The following SYCE3 variants were observed in gnomAD, a reference collection of about 807,000 sequenced individuals.
SYCE3 encodes testis highly expressed gene 2 protein.
A neutral mutation model predicts 8.1 loss-of-function variants in SYCE3; 3 were observed. That is an observed-to-expected ratio of 0.37 (90% confidence interval 0.17 to 0.96). The LOEUF is 0.96. SYCE3 is among the 40% of genes least tolerant of loss of function. The probability of loss-of-function intolerance (pLI) is 0.41; values close to 1 mark genes in which losing one functional copy is unlikely to be tolerated. For synonymous variants in SYCE3, 36 were observed against 38.7 expected, an observed-to-expected ratio of 0.93 and a Z score of 0.26; for missense variants, 83 against 110.0, an observed-to-expected ratio of 0.75 and a Z score of 1.10.
intron 1 of SYCE3, among the ~76,000 whole-genome samples, chr22:50,559,912 A>G (rs907099353): frequency 6.6e-6 from 1 of 152,190 alleles, no homozygotes; most frequent in Non-Finnish European, 1.5e-5. Flanking sequence ...TGGGTGACAG[A>G]GCAACACTCT....
At chr22:50,555,177 T>C (rs948730224) in intron 2 of SYCE3, among the ~76,000 whole-genome samples, 5 of 150,990 alleles carry the variant, frequency 3.3e-5, no homozygotes, top group African/African-American at 1.2e-4. Context: ...CTTGGGCACA[T>C]GTCATTAGGA....
At chr22:50,551,539 G>A (rs2148697141) in intron 2 of SYCE3, 137 bp from the exon 3 acceptor site, 1 of 879,792 alleles carries the variant, frequency 1.1e-6, no homozygotes, top group Non-Finnish European at 1.7e-6. Context: ...TTACTCTAGG[G>A]AGAGACAGCT....
intron 1 of SYCE3, among the ~76,000 whole-genome samples, chr22:50,556,889 T>G (rs1266055280): frequency 1.3e-5 from 2 of 152,226 alleles, no homozygotes; most frequent in African/African-American, 4.8e-5. Context: ...AAGCAGTTAA[T>G]GTAATAATTA....
intron 2 of SYCE3, among the ~76,000 whole-genome samples, chr22:50,555,395 C>T (rs1377241250): frequency 6.6e-6 from 1 of 152,182 alleles, no homozygotes; most frequent in Non-Finnish European, 1.5e-5. Context: ...AATCCCAACA[C>T]TTTGGGAGGC....
At position 50,561,107 on chromosome 22, in the gene SYCE3, A is replaced by G. The variant is rs187302552; in HGVS notation, c.-1+1751T>C. On this transcript the variant is annotated intron_variant, in intron 1 of 2. Coordinates refer to ENST00000406915, the MANE Select transcript of SYCE3 (RefSeq NM_001123225.3). ...GTGTAGAAGGCCTGGGAACGTAAAC[A>G]TACATGCAGTGGATGGACAAGGTAA... Among the ~76,000 whole-genome samples the G allele has an allele frequency of 6.6e-5, 10 of 152,276 alleles. No homozygotes were observed. In the East Asian group the frequency reaches 1.9e-3, roughly 29 times the overall value.
intron 2 of SYCE3, among the ~76,000 whole-genome samples, chr22:50,551,696 T>C (rs186249806): frequency 6.6e-6 from 1 of 152,330 alleles, no homozygotes; most frequent in Admixed American, 6.5e-5. Flanking sequence ...TGAGGAGAAT[T>C]AGAGCAAACC....
intron 2 of SYCE3, among the ~76,000 whole-genome samples, chr22:50,553,139 T>C (rs535147551): frequency 6.6e-6 from 1 of 151,910 alleles, no homozygotes; most frequent in East Asian, 1.9e-4. Flanking sequence ...GAGGTGGAGG[T>C]TGCAGTGAGC....
chr22:50,559,682 G>A lies in SYCE3; in HGVS notation c.-1+3176C>T, dbSNP rs138260882. On this transcript the variant is annotated intron_variant, in intron 1 of 2. Coordinates refer to ENST00000406915, the MANE Select transcript of SYCE3 (RefSeq NM_001123225.3). ...TTAGTCGGTCATGCCTGTAATCCCA[G>A]CACTTTGGAAGGCAGAGGCGGGGGA... is the stretch of plus-strand genomic sequence containing the variant. Among the ~76,000 whole-genome samples, 234 of 152,284 alleles carry A rather than the reference G, an allele frequency of 1.5e-3. 4 individuals are homozygous for A. Among genetic ancestry groups the A allele is most frequent in the East Asian group, 5.4e-3 (28 of 5,172 alleles).
chr22:50,558,984 CTT>C (rs2069887532), intron 1 of SYCE3, among the ~76,000 whole-genome samples: 3 of 152,314 alleles, frequency 2.0e-5, no homozygotes, highest in South Asian at 2.1e-4. Flanking sequence ...TCAAAATTCT[CTT>C]CTCTTGATGT....
At chr22:50,551,811 C>A (rs1339106317) in intron 2 of SYCE3, among the ~76,000 whole-genome samples, 1 of 152,188 alleles carries the variant, frequency 6.6e-6, no homozygotes, top group East Asian at 1.9e-4. Flanking sequence ...TGTTTCCAGT[C>A]CTGCAAGACC....
At chr22:50,560,486 A>G (rs951319031) in intron 1 of SYCE3, among the ~76,000 whole-genome samples, 10 of 152,182 alleles carry the variant, frequency 6.6e-5, no homozygotes, top group Non-Finnish European at 1.5e-4. Flanking sequence ...AGTAAATTCA[A>G]GATATTTGAT....
rs1423917038 is a variant in SYCE3 at position 50,554,555 on chromosome 22, A to G, written c.109+1742T>C. Among the ~76,000 whole-genome samples, 5 of 151,844 alleles carry G rather than the reference A, an allele frequency of 3.3e-5. No homozygotes were observed. In the East Asian group the frequency reaches 7.8e-4, roughly 24 times the overall value. ...CTAAAAATACAAAAATTAGCTGGGC[A>G]TGGTGGCAGGCGCCTGTAATCCCAC... On this transcript the variant is annotated intron_variant, in intron 2 of 2. Transcript: ENST00000406915.
At chr22:50,560,535 G>C (rs1253200605) in intron 1 of SYCE3, among the ~76,000 whole-genome samples, 2 of 147,030 alleles carry the variant, frequency 1.4e-5, no homozygotes, top group African/African-American at 5.0e-5. Flanking sequence ...CGTTTCAGGA[G>C]AGCCATAAAA....
intron 1 of SYCE3, among the ~76,000 whole-genome samples, chr22:50,561,062 G>A (rs1452141797): frequency 6.6e-6 from 1 of 152,190 alleles, no homozygotes; most frequent in African/African-American, 2.4e-5. Context: ...CCCTAAGACG[G>A]CACAGAGACA....
At chr22:50,554,388 T>TG (rs1423868205) in intron 2 of SYCE3, among the ~76,000 whole-genome samples, 2 of 151,938 alleles carry the variant, frequency 1.3e-5, no homozygotes, top group Non-Finnish European at 2.9e-5. Context: ...TTGATAGATT[T>TG]TTCACTACAT....
intron 2 of SYCE3, among the ~76,000 whole-genome samples, chr22:50,554,087 C>T (rs949060839): frequency 2.0e-5 from 3 of 150,578 alleles, no homozygotes; most frequent in East Asian, 4.0e-4. Context: ...CCCAGCTACT[C>T]GGGAGGCTGA....
chr22:50,556,723 A>T (rs1175412176), intron 1 of SYCE3, among the ~76,000 whole-genome samples: 1 of 152,180 alleles, frequency 6.6e-6, no homozygotes, highest in Non-Finnish European at 1.5e-5. Context: ...GTGACATGGA[A>T]TTTTTTCTTG....
chr22:50,554,099 G>A (rs1051851345), intron 2 of SYCE3, among the ~76,000 whole-genome samples: 6 of 151,756 alleles, frequency 4.0e-5, no homozygotes, highest in Non-Finnish European at 8.8e-5. Context: ...GGAGGCTGAG[G>A]CAGGAGAATG....
intron 2 of SYCE3, among the ~76,000 whole-genome samples, chr22:50,552,484 C>T (rs71318419): frequency 1.3e-5 from 2 of 152,096 alleles, no homozygotes; most frequent in East Asian, 3.9e-4. Context: ...GTGTTCCTGG[C>T]CCATCTCTAC....
Sources: allele counts gnomAD v4.1 joint callset (sites outside exome capture counted in the v4.1 genomes callset), GRCh38; gene constraint gnomAD v4.1.1; transcripts MANE v1.5; gene names NCBI Gene and HGNC (gene_info 2026-07-23, HGNC 2026-07-21).